Variants in FAM185A observed in about 807,000 individuals in gnomAD.
The protein encoded by FAM185A is protein FAM185A.
FAM185A carries 21 observed loss-of-function variants against 45.7 expected under a neutral mutation model. The observed-to-expected ratio is 0.46, with a 90% confidence interval of 0.33 to 0.66. The LOEUF (loss-of-function observed/expected upper bound fraction) is 0.66, where lower values mean the gene tolerates loss of function less well. FAM185A is among the 30% of genes least tolerant of loss of function. The probability of loss-of-function intolerance (pLI) is 0.03; values close to 1 mark genes in which losing one functional copy is unlikely to be tolerated. For synonymous variants in FAM185A, 117 were observed against 194.0 expected (o/e 0.60, Z 3.30); for missense variants, 305 against 485.4 (o/e 0.63, Z 3.49).
intron 6 of FAM185A, among the ~76,000 whole-genome samples, chr7:102,781,187 C>A (rs1485706626): frequency 6.6e-6 from 1 of 152,180 alleles, no homozygotes; most frequent in Non-Finnish European, 1.5e-5. Flanking sequence ...TGGAGCCCAC[C>A]ACCGCAGCTC....
At chr7:102,760,637 A>G (rs1232077753) in intron 3 of FAM185A, among the ~76,000 whole-genome samples, 1 of 152,144 alleles carries the variant, frequency 6.6e-6, no homozygotes, top group African/African-American at 2.4e-5. Context: ...GAAATGTTGT[A>G]AACTTTTCTT....
chr7:102,776,243 T>C (rs1795055826), intron 5 of FAM185A, among the ~76,000 whole-genome samples: 1 of 151,458 alleles, frequency 6.6e-6, no homozygotes, highest in Non-Finnish European at 1.5e-5. Context: ...GAGGCCTCTC[T>C]AAAAAGAATA....
the FAM185A span, chr7:102,832,817 T>C: frequency 1.2e-6 from 2 of 1,613,790 alleles, no homozygotes; most frequent in East Asian, 2.2e-5. Flanking sequence ...TGGATGTGTT[T>C]GAGCCCTGAC....
intron 7 of FAM185A, among the ~76,000 whole-genome samples, chr7:102,803,956 C>T (rs1336735233): frequency 6.6e-6 from 1 of 152,170 alleles, no homozygotes; most frequent in South Asian, 2.1e-4. Context: ...AAATGAAGTA[C>T]TTAGGAATAT....
At chr7:102,756,255 G>A (rs1028724143) in intron 2 of FAM185A, among the ~76,000 whole-genome samples, 38 of 151,372 alleles carry the variant, frequency 2.5e-4, no homozygotes, top group Middle Eastern at 6.8e-3. Context: ...AACTAAAGAC[G>A]TATATAATGA....
intron 7 of FAM185A, among the ~76,000 whole-genome samples, chr7:102,803,268 C>T (rs71570391): frequency 7.9e-5 from 12 of 152,218 alleles, no homozygotes; most frequent in South Asian, 2.1e-4. Flanking sequence ...TGAACACAGA[C>T]GCTAAAATTC....
chr7:102,844,755 G>A, the FAM185A span, among the ~76,000 whole-genome samples: 1 of 152,126 alleles, frequency 6.6e-6, no homozygotes, highest in Admixed American at 6.5e-5. Flanking sequence ...CAGGTTAAGA[G>A]CCCAATCCCA....
At chr7:102,814,233 A>G in the FAM185A span, 1 of 152,238 alleles carries the variant, frequency 6.6e-6, no homozygotes, top group African/African-American at 2.4e-5. Context: ...ATTAGTACTA[A>G]AGAGGAGATG....
intron 5 of FAM185A, 105 bp downstream of exon 5, chr7:102,772,555 C>A (rs1794818001): frequency 9.2e-6 from 6 of 648,916 alleles, no homozygotes; most frequent in Non-Finnish European, 1.5e-5. Context: ...AACTGATGAA[C>A]TTGACAGGAT....
At chr7:102,792,014 C>G (rs1434089076) in intron 7 of FAM185A, among the ~76,000 whole-genome samples, 2 of 149,856 alleles carry the variant, frequency 1.3e-5, no homozygotes, top group African/African-American at 5.0e-5. Context: ...TCATCTTGGC[C>G]TTCCTCATAG....
At chr7:102,826,769 A>ATATATATATATATG in the FAM185A span, among the ~76,000 whole-genome samples, 254 of 100,696 alleles carry the variant, frequency 2.5e-3, 19 homozygotes, top group Non-Finnish European at 3.2e-3. Flanking sequence ...ATATATATAT[A>ATATATATATATATG]TATGTATATA....
At chr7:102,795,116 T>A (rs1180377075) in intron 7 of FAM185A, among the ~76,000 whole-genome samples, 1 of 152,210 alleles carries the variant, frequency 6.6e-6, no homozygotes, top group East Asian at 1.9e-4. Flanking sequence ...ATGTGATAGA[T>A]AAAATGTCAT....
chr7:102,805,381 T>G (rs6964246), intron 7 of FAM185A, among the ~76,000 whole-genome samples: 3,132 of 152,220 alleles, frequency 0.021, 115 homozygotes, highest in African/African-American at 0.071. Flanking sequence ...GCATTCACAG[T>G]GACCTGAATG....
intron 6 of FAM185A, among the ~76,000 whole-genome samples, chr7:102,782,656 A>T (rs1030042583): frequency 6.6e-6 from 1 of 152,232 alleles, no homozygotes; most frequent in Non-Finnish European, 1.5e-5. Context: ...GGAAGCACTA[A>T]ACATGGAAAG....
chr7:102,846,995 G>C, the FAM185A span, among the ~76,000 whole-genome samples: 1 of 152,116 alleles, frequency 6.6e-6, no homozygotes, highest in East Asian at 1.9e-4. Flanking sequence ...AGCAACAGAA[G>C]AATAATATTT....
At chr7:102,754,128 A>G (rs1393302915) in intron 2 of FAM185A, among the ~76,000 whole-genome samples, 1 of 152,260 alleles carries the variant, frequency 6.6e-6, no homozygotes, top group Non-Finnish European at 1.5e-5. Context: ...ACCTTGAATT[A>G]GTGGTCACCT....
At chr7:102,820,171 G>C in the FAM185A span, among the ~76,000 whole-genome samples, 1 of 152,350 alleles carries the variant, frequency 6.6e-6, no homozygotes, top group Non-Finnish European at 1.5e-5. Context: ...TTTCCTGCTA[G>C]AGCTAAGCAA....
At chr7:102,805,679 G>GA (rs1235884205) in intron 7 of FAM185A, among the ~76,000 whole-genome samples, 6 of 151,422 alleles carry the variant, frequency 4.0e-5, no homozygotes, top group African/African-American at 1.5e-4. Flanking sequence ...ATAAACTATG[G>GA]AAAAAAATTA....
chr7:102,792,853 G>A (rs1251031491), intron 7 of FAM185A, among the ~76,000 whole-genome samples: 1 of 152,056 alleles, frequency 6.6e-6, no homozygotes, highest in Non-Finnish European at 1.5e-5. Flanking sequence ...GTTATTTATA[G>A]TGGAATACTC....
Sources: allele counts gnomAD v4.1 joint callset (sites outside exome capture counted in the v4.1 genomes callset), GRCh38; gene constraint gnomAD v4.1.1; transcripts MANE v1.5; gene names NCBI Gene and HGNC (gene_info 2026-07-23, HGNC 2026-07-21).